The following AP1S3 variants were observed in gnomAD, a reference collection of about 807,000 sequenced individuals.
AP1S3 encodes AP-1 complex subunit sigma-3.
In AP1S3, 10 loss-of-function variants were observed where a neutral mutation model predicts 20.9. That is an observed-to-expected ratio of 0.48 (90% CI 0.29 to 0.81). The LOEUF (loss-of-function observed/expected upper bound fraction) is 0.81. Ranked by LOEUF, AP1S3 falls within the 30% of genes least tolerant of loss-of-function variation. The pLI is 0.08. For missense variants in AP1S3, 154 were observed against 183.8 expected, an observed-to-expected ratio of 0.84 and a Z score of 0.94; for synonymous variants, 41 against 61.5, an observed-to-expected ratio of 0.67 and a Z score of 1.56.
At chr2:223,764,839 G>A (rs1349335825) in intron 4 of AP1S3, among the ~76,000 whole-genome samples, 1 of 151,920 alleles carries the variant, frequency 6.6e-6, no homozygotes, top group Non-Finnish European at 1.5e-5. Flanking sequence ...TACCTTTTTG[G>A]CAGTGAAGGA....
At chr2:223,789,674 CAAAA>C (rs536845135) in intron 1 of AP1S3, among the ~76,000 whole-genome samples, 3 of 89,170 alleles carry the variant, frequency 3.4e-5, no homozygotes, top group Admixed American at 1.2e-4. Context: ...AACCCTGTCT[CAAAA>C]AAAAAAAAAA....
chr2:223,816,656 G>T (rs1409570302), intron 1 of AP1S3, among the ~76,000 whole-genome samples: 1 of 152,178 alleles, frequency 6.6e-6, no homozygotes, highest in African/African-American at 2.4e-5. Context: ...CAGCATCCAT[G>T]CCTCCATCCT....
intron 1 of AP1S3, among the ~76,000 whole-genome samples, chr2:223,788,597 CAAAAAAA>C (rs550638882): frequency 9.6e-6 from 1 of 104,044 alleles, no homozygotes; most frequent in Non-Finnish European, 2.2e-5. Flanking sequence ...ACTAAAAATA[CAAAAAAA>C]AAAAAAAAAA....
chr2:223,830,534 T>G (rs1429326103), intron 1 of AP1S3, among the ~76,000 whole-genome samples: 1 of 151,470 alleles, frequency 6.6e-6, no homozygotes, highest in Non-Finnish European at 1.5e-5. Flanking sequence ...ATGAGTCAAA[T>G]TTATCCCTTG....
intron 1 of AP1S3, among the ~76,000 whole-genome samples, chr2:223,778,471 TAATC>T (rs1690844478): frequency 6.6e-6 from 1 of 151,972 alleles, no homozygotes; most frequent in Admixed American, 6.6e-5. Flanking sequence ...TAGGGAAAAA[TAATC>T]AAGAAAGTAG....
rs569300137 is a variant in AP1S3 at position 223,789,048 on chromosome 2, AC to A, written c.4-11180del. ...AGAACTGCCTGTCAGCATTTTAAGC[AC>A]CCTGCTTCTAACTATGAGTAGAGGA... On this transcript the variant is annotated intron_variant, in intron 1 of 4. Coordinates refer to ENST00000396654, the MANE Select transcript of AP1S3 (RefSeq NM_001039569.2). Among the ~76,000 whole-genome samples the A allele has an allele frequency of 1.6e-4, 24 of 152,194 alleles. No individual in the cohort carries two copies. The South Asian group carries it at 2.3e-3, about 14-fold the overall frequency.
intron 1 of AP1S3, among the ~76,000 whole-genome samples, chr2:223,794,785 G>A (rs1164915590): frequency 6.6e-6 from 1 of 152,090 alleles, no homozygotes; most frequent in Non-Finnish European, 1.5e-5. Context: ...ATCTTTCCAA[G>A]GCTACTCCCT....
chr2:223,776,284 G>A (rs984808574), intron 2 of AP1S3: 12 of 466,742 alleles, frequency 2.6e-5, no homozygotes, highest in Middle Eastern at 4.0e-4. Context: ...GTATCCTTTC[G>A]CTCTTGGTAA....
At chr2:223,795,798 CAAAATG>C (rs1384308233) in intron 1 of AP1S3, among the ~76,000 whole-genome samples, 1 of 152,118 alleles carries the variant, frequency 6.6e-6, no homozygotes, top group Non-Finnish European at 1.5e-5. Context: ...GCTGGGAGAA[CAAAATG>C]ATATTACATA....
chr2:223,824,009 T>C (rs552408550), intron 1 of AP1S3, among the ~76,000 whole-genome samples: 2 of 152,184 alleles, frequency 1.3e-5, no homozygotes, highest in Admixed American at 6.6e-5. Flanking sequence ...GTCGTTGTTT[T>C]TGTTTGTTTT....
At chr2:223,759,414 G>C (rs779367379) in intron 4 of AP1S3, among the ~76,000 whole-genome samples, 2 of 152,158 alleles carry the variant, frequency 1.3e-5, no homozygotes, top group Non-Finnish European at 2.9e-5. Context: ...GTGTATTAGA[G>C]AATTCTGAAT....
chr2:223,823,460 A>T (rs1212394018), intron 1 of AP1S3, among the ~76,000 whole-genome samples: 1 of 152,234 alleles, frequency 6.6e-6, no homozygotes. Context: ...CCTGAAAGAC[A>T]TTATATTAAG....
intron 4 of AP1S3, among the ~76,000 whole-genome samples, chr2:223,763,481 G>A (rs1388294867): frequency 2.8e-5 from 4 of 144,372 alleles, no homozygotes; most frequent in Non-Finnish European, 5.9e-5. Context: ...GGACCCTGAG[G>A]TCCTGAAGTT....
chr2:223,802,401 C>T (rs1257907910), intron 1 of AP1S3, among the ~76,000 whole-genome samples: 1 of 151,616 alleles, frequency 6.6e-6, no homozygotes, highest in Non-Finnish European at 1.5e-5. Flanking sequence ...CTCCCTGGTT[C>T]AAGCAATTCT....
intron 4 of AP1S3, among the ~76,000 whole-genome samples, chr2:223,759,086 C>CTCATGAGCAATAGGCCTGAG (rs1690291231): frequency 6.6e-6 from 1 of 151,980 alleles, no homozygotes; most frequent in African/African-American, 2.4e-5. Flanking sequence ...CTGAGGCCAG[C>CTCATGAGCAATAGGCCTGAG]CTGGCCAACA....
At chr2:223,804,256 C>T (rs1691530721) in intron 1 of AP1S3, among the ~76,000 whole-genome samples, 1 of 152,180 alleles carries the variant, frequency 6.6e-6, no homozygotes, top group Non-Finnish European at 1.5e-5. Context: ...TCCAAAGTAG[C>T]AGCTACAGAT....
intron 4 of AP1S3, among the ~76,000 whole-genome samples, chr2:223,760,533 A>G (rs529373337): frequency 6.6e-6 from 1 of 152,282 alleles, no homozygotes; most frequent in South Asian, 2.1e-4. Context: ...CTAAGTGGGC[A>G]TTGGCCAAGA....
chr2:223,764,113 T>C (rs1223552256), intron 4 of AP1S3, among the ~76,000 whole-genome samples: 2 of 152,066 alleles, frequency 1.3e-5, no homozygotes, highest in East Asian at 3.9e-4. Flanking sequence ...GAGATGGGGT[T>C]TCACCACATT....
chr2:223,827,888 C>A lies in AP1S3; in HGVS notation c.3+9560G>T, dbSNP rs530732521. 4.6e-5 allele frequency among the ~76,000 whole-genome samples: 7 copies of A among 151,366 alleles called. 1 individual carries two copies. Among genetic ancestry groups the A allele is most frequent in the African/African-American group, 1.2e-4 (5 of 41,304 alleles). On this transcript the variant is annotated intron_variant, in intron 1 of 4. Transcript: ENST00000396654. The stretch of plus-strand genomic sequence containing the variant: ...CAGCCTGGCCAACATGGTGAAATCA[C>A]GTCCTACTTAAAATACAAAAATTAG...
Sources: allele counts gnomAD v4.1 joint callset (sites outside exome capture counted in the v4.1 genomes callset), GRCh38; gene constraint gnomAD v4.1.1; transcripts MANE v1.5; gene names NCBI Gene and HGNC (gene_info 2026-07-23, HGNC 2026-07-21).